RGS6: variants seen among roughly 807,000 people sequenced by gnomAD.
RGS6 encodes regulator of G-protein signaling 6.
A neutral mutation model predicts 78.5 loss-of-function variants in RGS6; 30 were observed. The ratio of observed to expected loss-of-function variants is 0.38; its 90% CI spans 0.29 to 0.52. The LOEUF is 0.52. Among genes scored for constraint, RGS6 ranks in the 20% least tolerant of loss-of-function variants. The probability of loss-of-function intolerance (pLI) is 0.85; values close to 1 mark genes in which losing one functional copy is unlikely to be tolerated. For missense variants in RGS6, 495 were observed against 609.7 expected, an observed-to-expected ratio of 0.81 and a Z score of 1.98; for synonymous variants, 206 against 206.0, an observed-to-expected ratio of 1.00 and a Z score of 0.00.
At chr14:72,144,882 T>C (rs910940653) in intron 2 of RGS6, among the ~76,000 whole-genome samples, 1 of 151,834 alleles carries the variant, frequency 6.6e-6, no homozygotes, top group African/African-American at 2.4e-5. Flanking sequence ...TGTGCAGGAA[T>C]GAGAGTTTTA....
the RGS6 span, among the ~76,000 whole-genome samples, chr14:72,598,746 G>C: frequency 5.3e-4 from 80 of 152,342 alleles, no homozygotes; most frequent in African/African-American, 1.8e-3. Context: ...GTTCTCTTTG[G>C]GAGGTCTTCT....
chr14:72,604,473 G>A, the RGS6 span, among the ~76,000 whole-genome samples: 2 of 152,124 alleles, frequency 1.3e-5, no homozygotes, highest in African/African-American at 4.8e-5. Flanking sequence ...TGAGTTAAAG[G>A]CAACAATGTA....
At chr14:72,444,884 C>CCTGTTCAACCCTGGGGAGAAGACCCCAG (rs1555404482) in intron 3 of RGS6, among the ~76,000 whole-genome samples, 6 of 16,950 alleles carry the variant, frequency 3.5e-4, no homozygotes, top group African/African-American at 7.3e-4. Flanking sequence ...TTCAAGACCA[C>CCTGTTCAACCCTGGGGAGAAGACCCCAG]GTCAGAATGA....
chr14:72,036,972 T>A (rs2091801874), intron 2 of RGS6, among the ~76,000 whole-genome samples: 1 of 152,158 alleles, frequency 6.6e-6, no homozygotes. Flanking sequence ...CAGCTGGGCT[T>A]CTGGGTCAGG....
At chr14:72,112,044 G>A (rs2095778796) in intron 2 of RGS6, among the ~76,000 whole-genome samples, 1 of 152,218 alleles carries the variant, frequency 6.6e-6, no homozygotes, top group Non-Finnish European at 1.5e-5. Context: ...CCATTGGCAT[G>A]CGGAGCTCTG....
intron 2 of RGS6, among the ~76,000 whole-genome samples, chr14:72,270,532 G>A (rs764568410): frequency 3.3e-5 from 5 of 152,158 alleles, no homozygotes; most frequent in African/African-American, 1.2e-4. Flanking sequence ...TGTGGTTGGC[G>A]GCATTAGTTG....
chr14:72,380,097 C>T (rs971698297), intron 3 of RGS6, among the ~76,000 whole-genome samples: 4 of 151,534 alleles, frequency 2.6e-5, no homozygotes, highest in African/African-American at 9.7e-5. Context: ...TAAATGGTCC[C>T]CAAAAAATCA....
rs765081438 is a variant in RGS6, at chr14:72,450,194, CAT to C, written c.185-4332_185-4331del. Among the ~76,000 whole-genome samples the C allele has an allele frequency of 9.2e-5, 14 of 151,938 alleles. 1 individual carries two copies. The South Asian group carries it at 2.9e-3, about 32-fold the overall frequency. On this transcript the variant is annotated intron_variant, in intron 3 of 17. Coordinates refer to ENST00000553525, the MANE Select transcript of RGS6 (RefSeq NM_001204424.2). ...ATCTATACATATATAATTAATAGAA[CAT>C]AAATATTTTACAGTAACCCTGTTCT...
intron 1 of RGS6, among the ~76,000 whole-genome samples, chr14:71,949,048 T>A (rs1008556426): frequency 6.6e-6 from 1 of 152,206 alleles, no homozygotes; most frequent in African/African-American, 2.4e-5. Flanking sequence ...TTTGTGATAT[T>A]CCACAAACTA....
At chr14:72,189,944 C>A (rs149635) in intron 2 of RGS6, among the ~76,000 whole-genome samples, 109,419 of 152,056 alleles carry the variant, frequency 0.72, 39,548 homozygotes, top group East Asian at 0.91. Flanking sequence ...ATACTTCTTA[C>A]TATGCCCTTG....
chr14:72,209,603 C>T (rs1053409089), intron 2 of RGS6, among the ~76,000 whole-genome samples: 45 of 152,256 alleles, frequency 3.0e-4, no homozygotes, highest in African/African-American at 1.0e-3. Context: ...CTCTCACCTC[C>T]CCATGCTGCC....
At position 72,040,913 on chromosome 14, in the gene RGS6, G is replaced by T. The variant is rs576232772; in HGVS notation, c.84+76038G>T. Reference sequence around the variant, plus strand: ...ATTCTTCAGCTCAAGAATTTGTTAGGTTCTTTTTTAAAATAGTTTCTATTT... The same window carrying T: ...ATTCTTCAGCTCAAGAATTTGTTAGTTTCTTTTTTAAAATAGTTTCTATTT... On this transcript the variant is annotated intron_variant, in intron 2 of 17. Coordinates refer to ENST00000553525, the MANE Select transcript of RGS6 (RefSeq NM_001204424.2). 2.6e-5 allele frequency among the ~76,000 whole-genome samples: 4 copies of T among 151,928 alleles called. No homozygotes were observed. In the South Asian group the frequency reaches 8.3e-4, roughly 32 times the overall value.
intron 17 of RGS6, among the ~76,000 whole-genome samples, chr14:72,548,403 C>T (rs1200414736): frequency 6.6e-6 from 1 of 151,412 alleles, no homozygotes; most frequent in African/African-American, 2.4e-5. Flanking sequence ...TACAGGATGG[C>T]ATTTGTAGCC....
the RGS6 span, among the ~76,000 whole-genome samples, chr14:71,893,474 C>T: frequency 6.6e-6 from 1 of 152,110 alleles, no homozygotes; most frequent in African/African-American, 2.4e-5. Context: ...TAGAATATTA[C>T]CACATTTGCT....
Position 72,304,835 on chromosome 14 carries a change from G to A in RGS6, c.85-47260G>A, listed in dbSNP as rs969015673. On this transcript the variant is annotated intron_variant, in intron 2 of 17. Coordinates refer to ENST00000553525, the MANE Select transcript of RGS6 (RefSeq NM_001204424.2). ...GTAGAGGTTGCCATGAGTTGAGATC[G>A]TGAAACTGCACTCCAGGCTGGGCAC... Among the ~76,000 whole-genome samples, 12 of 152,012 alleles carry A rather than the reference G, an allele frequency of 7.9e-5. 1 individual carries two copies. Among genetic ancestry groups the A allele is most frequent in the East Asian group, 7.7e-4 (4 of 5,190 alleles).
At chr14:72,398,376 T>C (rs2091820123) in intron 3 of RGS6, among the ~76,000 whole-genome samples, 1 of 152,212 alleles carries the variant, frequency 6.6e-6, no homozygotes, top group Non-Finnish European at 1.5e-5. Flanking sequence ...TAGTTTGTAT[T>C]TCTGTGGGAT....
intron 2 of RGS6, among the ~76,000 whole-genome samples, chr14:72,262,725 T>C (rs529500442): frequency 3.9e-5 from 6 of 152,234 alleles, no homozygotes; most frequent in Non-Finnish European, 8.8e-5. Flanking sequence ...CTGTGAAATT[T>C]TCTTTTCCAA....
the RGS6 span, among the ~76,000 whole-genome samples, chr14:71,873,034 T>G: frequency 2.6e-5 from 4 of 152,192 alleles, no homozygotes; most frequent in Non-Finnish European, 4.4e-5. Flanking sequence ...CTTAATCTAG[T>G]CTATCATTGA....
chr14:72,377,207 A>C (rs1286071112), intron 3 of RGS6, among the ~76,000 whole-genome samples: 1 of 152,204 alleles, frequency 6.6e-6, no homozygotes, highest in Non-Finnish European at 1.5e-5. Flanking sequence ...GTGATGGAAA[A>C]AGATACTCCA....
Sources: gnomAD v4.1 joint callset for allele counts (sites outside exome capture counted in the v4.1 genomes callset) on GRCh38, gnomAD v4.1.1 for gene constraint, MANE v1.5 for transcripts, NCBI Gene and HGNC (gene_info 2026-07-23, HGNC 2026-07-21) for gene names.